The following SNCAIP variants were observed in gnomAD, a reference collection of about 807,000 sequenced individuals.
SNCAIP encodes the protein synphilin-1.
A neutral mutation model predicts 86.7 loss-of-function variants in SNCAIP; 43 were observed. The observed-to-expected ratio is 0.50, with a 90% CI of 0.39 to 0.64. The LOEUF (loss-of-function observed/expected upper bound fraction) is 0.64, where lower values mean the gene tolerates loss of function less well. Ranked by LOEUF, SNCAIP falls within the 30% of genes least tolerant of loss-of-function variation. The pLI is 0.00. For missense variants in SNCAIP, 981 were observed against 1,103.1 expected, an observed-to-expected ratio of 0.89 and a Z score of 1.57; for synonymous variants, 417 against 427.2, an observed-to-expected ratio of 0.98 and a Z score of 0.29.
intron 1 of SNCAIP, among the ~76,000 whole-genome samples, chr5:122,315,627 C>T (rs540907594): frequency 3.9e-5 from 6 of 152,272 alleles, no homozygotes; most frequent in South Asian, 2.1e-4. Flanking sequence ...ATATTGGAGC[C>T]TGCTTAGCAA....
chr5:122,328,048 A>AT (rs1277939993), intron 1 of SNCAIP, among the ~76,000 whole-genome samples: 1 of 152,200 alleles, frequency 6.6e-6, no homozygotes, highest in East Asian at 1.9e-4. Flanking sequence ...GGGAAACTAG[A>AT]TATAAGTATT....
rs3811882 is a variant in SNCAIP, at chr5:122,443,267, A to C, written c.1423-1296A>C. Among the ~76,000 whole-genome samples, 13 of 152,344 alleles carry C rather than the reference A, an allele frequency of 8.5e-5. No homozygotes were observed. The East Asian group carries it at 2.5e-3, about 29-fold the overall frequency. On this transcript the variant is annotated intron_variant, in intron 7 of 10. Transcript: ENST00000261368. ...AAAACACTGTCTACTACCCAGATTA[A>C]TCCAGGTTTGCAGTCTCATCATGAT...
At chr5:122,311,844 G>A (rs1750625087), upstream of SNCAIP, 1 of 152,572 alleles carries the variant, frequency 6.6e-6, no homozygotes, top group African/African-American at 2.4e-5. Flanking sequence ...CCCTGGTGAG[G>A]AAGCGGCGAG....
intron 2 of SNCAIP, among the ~76,000 whole-genome samples, chr5:122,399,756 G>C (rs374730793): frequency 1.1e-4 from 17 of 152,234 alleles, no homozygotes; most frequent in African/African-American, 2.6e-4. Flanking sequence ...ACCATCCTAT[G>C]ATGAGTTCTG....
chr5:122,383,713 A>G (rs1330167893), intron 1 of SNCAIP: 1 of 152,244 alleles, frequency 6.6e-6, no homozygotes, highest in Non-Finnish European at 1.5e-5. Flanking sequence ...ATCACTTGCA[A>G]GAATTTTAAT....
intron 1 of SNCAIP, among the ~76,000 whole-genome samples, chr5:122,352,540 G>T (rs1178715083): frequency 6.6e-6 from 1 of 152,204 alleles, no homozygotes; most frequent in Non-Finnish European, 1.5e-5. Flanking sequence ...GTGGGCAAAT[G>T]ATGCAATATC....
intron 1 of SNCAIP, among the ~76,000 whole-genome samples, chr5:122,327,476 T>C (rs1754340540): frequency 6.6e-6 from 1 of 152,240 alleles, no homozygotes; most frequent in Admixed American, 6.5e-5. Flanking sequence ...TGGAGGGACC[T>C]GGTAGGAGGT....
At chr5:122,425,290 A>G (rs1777132243) in intron 4 of SNCAIP, 62 bp from the exon 5 acceptor site, 3 of 1,335,700 alleles carry the variant, frequency 2.2e-6, no homozygotes, top group East Asian at 2.3e-5. Context: ...CCAGAGAAAA[A>G]CTCCTACAGG....
At chr5:122,444,258 A>C in intron 7 of SNCAIP, 1 of 502,654 alleles carries the variant, frequency 2.0e-6, no homozygotes, top group Non-Finnish European at 3.9e-6. Flanking sequence ...CTTGGAGCCC[A>C]ACCATGACAA....
At chr5:122,408,029 G>C (rs1376206964) in intron 3 of SNCAIP, among the ~76,000 whole-genome samples, 3 of 152,206 alleles carry the variant, frequency 2.0e-5, no homozygotes, top group African/African-American at 7.2e-5. Flanking sequence ...GTGCCACTAG[G>C]TGTGTGGAGA....
intron 1 of SNCAIP, among the ~76,000 whole-genome samples, chr5:122,363,194 C>T (rs1762524506): frequency 6.6e-6 from 1 of 152,004 alleles, no homozygotes; most frequent in African/African-American, 2.4e-5. Context: ...TGGGATTTCT[C>T]CATGTTGGTC....
At chr5:122,373,273 A>C (rs1356460673) in intron 1 of SNCAIP, among the ~76,000 whole-genome samples, 2 of 152,128 alleles carry the variant, frequency 1.3e-5, no homozygotes, top group Non-Finnish European at 2.9e-5. Context: ...GTCCCTGGAG[A>C]TGACAAAATA....
chr5:122,417,948 G>C (rs962652976), intron 3 of SNCAIP, among the ~76,000 whole-genome samples: 1 of 152,208 alleles, frequency 6.6e-6, no homozygotes, highest in African/African-American at 2.4e-5. Flanking sequence ...CTCTAGGTAT[G>C]TGCAGGTATT....
chr5:122,372,595 T>A (rs1764495610), intron 1 of SNCAIP, among the ~76,000 whole-genome samples: 1 of 152,190 alleles, frequency 6.6e-6, no homozygotes, highest in Non-Finnish European at 1.5e-5. Context: ...GCAATGTATC[T>A]CAATGCCATC....
rs1290191262 is a variant in SNCAIP, at chr5:122,396,000, C to CTTATCTATCTG, written c.57+4810_57+4811insTATCTATCTGT. Among the ~76,000 whole-genome samples the CTTATCTATCTG allele has an allele frequency of 1.5e-3, 226 of 152,244 alleles. 2 individuals are homozygous for CTTATCTATCTG. Among genetic ancestry groups the CTTATCTATCTG allele is most frequent in the Middle Eastern group, 3.4e-3 (1 of 294 alleles). ...TCTCTGTCTGTAAGCCCTGCCCTTC[C>CTTATCTATCTG]TAGCAGTCGCCCTGTTCTTATCTAT... On this transcript the variant is annotated intron_variant, in intron 2 of 10. Transcript: ENST00000261368.
At chr5:122,375,471 C>CTTT (rs35995238) in intron 1 of SNCAIP, among the ~76,000 whole-genome samples, 1 of 115,610 alleles carries the variant, frequency 8.6e-6, no homozygotes, top group Non-Finnish European at 1.9e-5. Flanking sequence ...TAGATTTTTG[C>CTTT]TTTTTTTTTT....
intron 3 of SNCAIP, among the ~76,000 whole-genome samples, chr5:122,409,791 TGTA>T (rs1356325455): frequency 6.6e-6 from 1 of 152,226 alleles, no homozygotes; most frequent in Non-Finnish European, 1.5e-5. Flanking sequence ...AAATTTGTCC[TGTA>T]GATGCTGTTA....
chr5:122,441,158 A>C (rs1283414530), intron 7 of SNCAIP: 1 of 209,644 alleles, frequency 4.8e-6, no homozygotes, highest in Non-Finnish European at 9.7e-6. Context: ...TATGAAGAAT[A>C]AGATAGATTT....
chr5:122,339,918 T>G (rs1194084586), intron 1 of SNCAIP, among the ~76,000 whole-genome samples: 1 of 152,082 alleles, frequency 6.6e-6, no homozygotes, highest in Admixed American at 6.6e-5. Flanking sequence ...GAATGGAAAA[T>G]AGAGGAGTGT....
Sources: gnomAD v4.1 joint callset for allele counts (sites outside exome capture counted in the v4.1 genomes callset) on GRCh38, gnomAD v4.1.1 for gene constraint, MANE v1.5 for transcripts, NCBI Gene and HGNC (gene_info 2026-07-23, HGNC 2026-07-21) for gene names.